The following DPYSL5 variants were observed in gnomAD, a reference collection of about 807,000 sequenced individuals.
DPYSL5 encodes dihydropyrimidinase-related protein 5.
In DPYSL5, 9 loss-of-function variants were observed where a neutral mutation model predicts 58.4. The observed-to-expected ratio is 0.15, with a 90% CI of 0.09 to 0.27. The LOEUF (loss-of-function observed/expected upper bound fraction) is 0.27. DPYSL5 is among the 10% of genes least tolerant of loss of function. DPYSL5 has a pLI of 1.00. For missense variants in DPYSL5, 499 were observed against 770.6 expected, an observed-to-expected ratio of 0.65 and a Z score of 4.17; for synonymous variants, 293 against 301.9, an observed-to-expected ratio of 0.97 and a Z score of 0.31.
intron 2 of DPYSL5, among the ~76,000 whole-genome samples, chr2:26,901,439 G>A (rs1341537974): frequency 6.6e-6 from 1 of 151,978 alleles, no homozygotes; most frequent in Non-Finnish European, 1.5e-5. Context: ...TCCTGCAGCC[G>A]AATGGTGTAG....
intron 1 of DPYSL5, among the ~76,000 whole-genome samples, chr2:26,858,170 ATT>A (rs70953831): frequency 4.7e-5 from 6 of 127,080 alleles, no homozygotes; most frequent in Non-Finnish European, 8.1e-5. Context: ...CAGACTTAAC[ATT>A]TTTTTTTTTT....
chr2:26,904,463 T>G (rs1664240703), intron 2 of DPYSL5, among the ~76,000 whole-genome samples: 1 of 152,200 alleles, frequency 6.6e-6, no homozygotes, highest in Admixed American at 6.5e-5. Context: ...CAATGACACT[T>G]CCTGCTCATG....
At chr2:26,909,494 C>G (rs923963857) in intron 2 of DPYSL5, among the ~76,000 whole-genome samples, 1 of 152,040 alleles carries the variant, frequency 6.6e-6, no homozygotes, top group African/African-American at 2.4e-5. Context: ...CTCAGTGGCT[C>G]GGTGGCTCAC....
chr2:26,852,633 C>T (rs1176114220), intron 1 of DPYSL5, among the ~76,000 whole-genome samples: 1 of 152,146 alleles, frequency 6.6e-6, no homozygotes. Flanking sequence ...TCAGCGGTAG[C>T]GTGTACAGGA....
intron 1 of DPYSL5, among the ~76,000 whole-genome samples, chr2:26,888,215 TTC>T (rs1260776078): frequency 1.1e-5 from 1 of 87,240 alleles, no homozygotes; most frequent in South Asian, 3.4e-4. Flanking sequence ...TTTCTTTTCT[TTC>T]TTTCTTTCTT....
chr2:26,907,072 A>T (rs770118563), intron 2 of DPYSL5, among the ~76,000 whole-genome samples: 2 of 151,688 alleles, frequency 1.3e-5, no homozygotes, highest in Non-Finnish European at 2.9e-5. Flanking sequence ...CAGCTTACTT[A>T]AACCTTTTTA....
chr2:26,902,855 A>C (rs1017877492), intron 2 of DPYSL5, among the ~76,000 whole-genome samples: 2 of 152,112 alleles, frequency 1.3e-5, no homozygotes, highest in African/African-American at 4.8e-5. Flanking sequence ...ACCCCTTGTC[A>C]TCCTCACTGC....
At chr2:26,922,789 C>T in intron 2 of DPYSL5, among the ~76,000 whole-genome samples, 1 of 152,220 alleles carries the variant, frequency 6.6e-6, no homozygotes, top group East Asian at 1.9e-4. Flanking sequence ...CCAGCAAAAT[C>T]GGAAATAGAA....
chr2:26,935,670 C>A (rs975484635), intron 8 of DPYSL5, among the ~76,000 whole-genome samples: 1 of 129,922 alleles, frequency 7.7e-6, no homozygotes, highest in African/African-American at 3.0e-5. Context: ...GCCTGTCCGG[C>A]GACAGAGCAA....
chr2:26,876,259 G>A (rs1432992372), intron 1 of DPYSL5, among the ~76,000 whole-genome samples: 1 of 152,156 alleles, frequency 6.6e-6, no homozygotes. Context: ...GAGGAAGGGG[G>A]CCATTGACTA....
intron 9 of DPYSL5, 108 bp from the exon 10 acceptor site, chr2:26,941,842 G>C: frequency 6.8e-7 from 1 of 1,480,044 alleles, no homozygotes; most frequent in Middle Eastern, 2.4e-4. Context: ...TGTGACCACT[G>C]TCCTGACCAC....
chr2:26,882,537 C>G (rs1403023682), intron 1 of DPYSL5, among the ~76,000 whole-genome samples: 1 of 152,110 alleles, frequency 6.6e-6, no homozygotes, highest in Non-Finnish European at 1.5e-5. Context: ...ATACTCCTGC[C>G]TCAGCCTCCC....
intron 5 of DPYSL5, among the ~76,000 whole-genome samples, chr2:26,930,327 G>T (rs726734): frequency 7.2e-5 from 11 of 152,210 alleles, no homozygotes; most frequent in African/African-American, 2.4e-4. Context: ...AATTATCACC[G>T]CCATTATCTA....
Position 26,934,828 on chromosome 2 carries a change from T to A in DPYSL5, c.947+94T>A. On this transcript the variant is annotated intron_variant, in intron 8 of 12. Transcript: ENST00000288699. The surrounding 1 kb of genome is among the most constrained non-coding windows in gnomAD (Gnocchi z 4.3). ...AAACAAATCTGAGCTAGGTTTGATT[T>A]CATTGTGCCCATAGGATCATTGTGC... 1.3e-6 allele frequency: 2 copies of A among 1,491,756 alleles called. No homozygotes were observed. Among genetic ancestry groups the A allele is most frequent in the Non-Finnish European group, 9.2e-7 (1 of 1,091,782 alleles). The allele number at this position is 1,491,756 out of a possible 1,614,324, so 92.4% of individuals were successfully genotyped here.
intron 5 of DPYSL5, among the ~76,000 whole-genome samples, chr2:26,928,687 G>GTGTATATATATATATA (rs143828804): frequency 0.04 from 2,371 of 59,670 alleles, 589 homozygotes; most frequent in Non-Finnish European, 0.061. Context: ...AGGTGATAGA[G>GTGTATATATATATATA]TATATATATA....
chr2:26,859,132 C>T (rs1249773864), intron 1 of DPYSL5, among the ~76,000 whole-genome samples: 5 of 152,080 alleles, frequency 3.3e-5, no homozygotes, highest in African/African-American at 9.7e-5. Context: ...TCTTCAGTTC[C>T]GTTGGAATGT....
intron 12 of DPYSL5, among the ~76,000 whole-genome samples, chr2:26,946,293 G>C (rs116661538): frequency 6.6e-6 from 1 of 152,126 alleles, no homozygotes. Context: ...CAGGCAGCCT[G>C]TCCCCTCCTC....
intron 1 of DPYSL5, among the ~76,000 whole-genome samples, chr2:26,888,667 G>A (rs925557962): frequency 6.6e-6 from 1 of 152,118 alleles, no homozygotes; most frequent in African/African-American, 2.4e-5. Flanking sequence ...TCTGTTGTTT[G>A]CATAGATAAA....
chr2:26,916,904 TGATACACATAATA>T (rs1664578317), intron 2 of DPYSL5, among the ~76,000 whole-genome samples: 1 of 152,230 alleles, frequency 6.6e-6, no homozygotes, highest in South Asian at 2.1e-4. Flanking sequence ...CTGGAGCATC[TGATACACATAATA>T]GAGGGCACAT....
Sources: allele counts gnomAD v4.1 joint callset (sites outside exome capture counted in the v4.1 genomes callset), GRCh38; gene constraint gnomAD v4.1.1; non-coding constraint Gnocchi (gnomAD v3.1); transcripts MANE v1.5; gene names NCBI Gene and HGNC (gene_info 2026-07-23, HGNC 2026-07-21).